KAZN: variants seen among roughly 807,000 people sequenced by gnomAD.
KAZN encodes kazrin.
Under a neutral mutation model 87.4 loss-of-function variants are expected in KAZN, and 40 were observed. That is an observed-to-expected ratio of 0.46 (90% CI 0.36 to 0.60). The LOEUF (loss-of-function observed/expected upper bound fraction) is 0.60, where lower values mean the gene tolerates loss of function less well. Ranked by LOEUF, KAZN falls within the 20% of genes least tolerant of loss-of-function variation. KAZN has a pLI of 0.00. For synonymous variants in KAZN, 466 were observed against 458.3 expected (o/e 1.02, Z -0.22); for missense variants, 898 against 1,073.9 (o/e 0.84, Z 2.29).
chr1:14,628,989 G>A (rs1208968851), intron 1 of KAZN, among the ~76,000 whole-genome samples: 1 of 152,080 alleles, frequency 6.6e-6, no homozygotes, highest in Non-Finnish European at 1.5e-5. Context: ...TGGGACTACA[G>A]GTGCCTGCCA....
chr1:14,196,627 G>A (rs1410951766), intron 2 of KAZN, among the ~76,000 whole-genome samples: 1 of 152,102 alleles, frequency 6.6e-6, no homozygotes, highest in African/African-American at 2.4e-5. Flanking sequence ...ATTAAAGGCA[G>A]AATCAAGAGT....
intron 1 of KAZN, among the ~76,000 whole-genome samples, chr1:14,656,677 C>T (rs534058431): frequency 4.1e-4 from 62 of 152,216 alleles, no homozygotes; most frequent in South Asian, 3.9e-3. Context: ...CTTACATGGC[C>T]GGAGAAGGAG....
At chr1:14,319,406 A>T (rs887843137) in intron 2 of KAZN, among the ~76,000 whole-genome samples, 3 of 152,060 alleles carry the variant, frequency 2.0e-5, no homozygotes, top group Non-Finnish European at 4.4e-5. Context: ...CACTGCTCAC[A>T]GGTAGATGTT....
chr1:14,558,815 T>C (rs921773777), intron 2 of KAZN, among the ~76,000 whole-genome samples: 1 of 152,176 alleles, frequency 6.6e-6, no homozygotes, highest in Non-Finnish European at 1.5e-5. Flanking sequence ...GTTAAGCATC[T>C]TTTTGTTGCA....
At chr1:15,015,518 C>T (rs1669997869) in intron 2 of KAZN, among the ~76,000 whole-genome samples, 1 of 152,116 alleles carries the variant, frequency 6.6e-6, no homozygotes. Context: ...ATGCTCTGTG[C>T]GGCTGGAGCT....
intron 2 of KAZN, among the ~76,000 whole-genome samples, chr1:15,000,135 G>C (rs1343458853): frequency 6.6e-6 from 1 of 152,128 alleles, no homozygotes; most frequent in African/African-American, 2.4e-5. Context: ...ATCAGAGAGA[G>C]GGAAGGAGAT....
At chr1:14,661,030 T>G (rs1639137669) in intron 1 of KAZN, among the ~76,000 whole-genome samples, 1 of 152,078 alleles carries the variant, frequency 6.6e-6, no homozygotes, top group Non-Finnish European at 1.5e-5. Context: ...AAGAAGGAAG[T>G]AAGTGTTCGT....
intron 10 of KAZN, among the ~76,000 whole-genome samples, chr1:15,100,321 G>C (rs1453935985): frequency 6.6e-6 from 1 of 152,186 alleles, no homozygotes; most frequent in Non-Finnish European, 1.5e-5. Flanking sequence ...GACCCACCCA[G>C]GACCCTCAGC....
chr1:14,550,398 C>T (rs1415535180), intron 2 of KAZN, among the ~76,000 whole-genome samples: 3 of 152,118 alleles, frequency 2.0e-5, no homozygotes, highest in Admixed American at 2.0e-4. Context: ...CAGAAGGCAG[C>T]CAGGCAGAGA....
rs985486213 is a variant in KAZN, at chr1:15,094,408, T to A, written c.1428+23T>A. ...AAGGTAGGCAACTCCGGGCCCCCTA[T>A]GGGATGCCACCCATGCCCTCTGTGA... On this transcript the variant is annotated intron_variant, in intron 9 of 14. Transcript: ENST00000376030. This position sits in a 1 kb window ranked among gnomAD's most constrained non-coding sequence, Gnocchi z 4.5. The A allele has an allele frequency of 6.3e-7, 1 of 1,596,158 alleles. No homozygotes were observed. The highest frequency in any genetic ancestry group is 8.5e-7 in the Non-Finnish European group (1 of 1,169,854).
chr1:13,958,435 A>G (rs1021444389), intron 1 of KAZN, among the ~76,000 whole-genome samples: 2 of 151,956 alleles, frequency 1.3e-5, no homozygotes, highest in African/African-American at 4.8e-5. Flanking sequence ...TTAGCCGGGC[A>G]TAGTGGCGGG....
At chr1:14,549,460 C>T (rs894609800) in intron 2 of KAZN, among the ~76,000 whole-genome samples, 1 of 152,130 alleles carries the variant, frequency 6.6e-6, no homozygotes, top group Admixed American at 6.5e-5. Flanking sequence ...TCTGGGCCCC[C>T]CCTTATCCAT....
At chr1:14,751,419 T>C (rs1156329527) in intron 1 of KAZN, among the ~76,000 whole-genome samples, 1 of 152,218 alleles carries the variant, frequency 6.6e-6, no homozygotes, top group African/African-American at 2.4e-5. Context: ...AGCTAACATA[T>C]CTGTAGCACT....
chr1:14,167,996 G>A (rs980816184), intron 1 of KAZN, among the ~76,000 whole-genome samples: 3 of 152,132 alleles, frequency 2.0e-5, no homozygotes, highest in African/African-American at 7.2e-5. Flanking sequence ...TCCTTCCAAT[G>A]GCAAGCACGT....
At chr1:14,584,275 C>T (rs928990199) in intron 2 of KAZN, among the ~76,000 whole-genome samples, 3 of 152,174 alleles carry the variant, frequency 2.0e-5, no homozygotes, top group East Asian at 1.9e-4. Flanking sequence ...GTCCAACAAC[C>T]GGAGAGAGAA....
At chr1:15,048,683 T>TCCTGGGTCGTC (rs1673897491) in intron 4 of KAZN, among the ~76,000 whole-genome samples, 2 of 135,258 alleles carry the variant, frequency 1.5e-5, no homozygotes, top group Non-Finnish European at 3.1e-5. Context: ...CCTGGGTCGT[T>TCCTGGGTCGTC]GGTCCTGGGT....
chr1:15,095,857 G>A (rs1342915929), intron 10 of KAZN, among the ~76,000 whole-genome samples: 1 of 152,114 alleles, frequency 6.6e-6, no homozygotes, highest in East Asian at 1.9e-4. Context: ...GTGCAGGAGA[G>A]GGGCCCTCGG....
At chr1:14,860,430 T>C (rs1282307357) in intron 1 of KAZN, among the ~76,000 whole-genome samples, 3 of 152,116 alleles carry the variant, frequency 2.0e-5, no homozygotes, top group African/African-American at 7.2e-5. Flanking sequence ...GGCCTCAAGT[T>C]ATCTACCCAC....
At chr1:14,860,920 ACTT>A (rs1650761428) in intron 1 of KAZN, among the ~76,000 whole-genome samples, 1 of 152,202 alleles carries the variant, frequency 6.6e-6, no homozygotes, top group African/African-American at 2.4e-5. Context: ...GAAAACGATT[ACTT>A]CTTATCAGAT....
Sources: allele counts gnomAD v4.1 joint callset (sites outside exome capture counted in the v4.1 genomes callset), GRCh38; gene constraint gnomAD v4.1.1; non-coding constraint Gnocchi (gnomAD v3.1); transcripts MANE v1.5; gene names NCBI Gene and HGNC (gene_info 2026-07-23, HGNC 2026-07-21).